CNIH3: variants seen among roughly 807,000 people sequenced by gnomAD.
The protein encoded by CNIH3 is protein cornichon homolog 3.
In CNIH3, 14 loss-of-function variants were observed where a neutral mutation model predicts 24.1. The observed-to-expected ratio is 0.58, with a 90% CI of 0.38 to 0.91. CNIH3 has a LOEUF of 0.91. Ranked by LOEUF, CNIH3 falls within the 40% of genes least tolerant of loss-of-function variation. The pLI is 0.00. For synonymous variants in CNIH3, 68 were observed against 73.8 expected (o/e 0.92, Z 0.40); for missense variants, 178 against 196.8 (o/e 0.90, Z 0.57).
intron 3 of CNIH3, among the ~76,000 whole-genome samples, chr1:224,559,707 G>A (rs1017833103): frequency 6.6e-6 from 1 of 152,148 alleles, no homozygotes; most frequent in Non-Finnish European, 1.5e-5. Flanking sequence ...AAAAAACATT[G>A]AGAAATATAA....
At chr1:224,520,060 C>G (rs1010341498) in intron 1 of CNIH3, among the ~76,000 whole-genome samples, 5 of 152,106 alleles carry the variant, frequency 3.3e-5, no homozygotes, top group Non-Finnish European at 7.3e-5. Context: ...ACCTTTCTCC[C>G]AGGGTGACTC....
chr1:224,711,425 A>G (rs1688140572), intron 3 of CNIH3, among the ~76,000 whole-genome samples: 1 of 150,950 alleles, frequency 6.6e-6, no homozygotes, highest in Admixed American at 6.6e-5. Flanking sequence ...GGCTCAAGTG[A>G]TCCTCCCACT....
intron 3 of CNIH3, among the ~76,000 whole-genome samples, chr1:224,600,553 C>A (rs1045035771): frequency 3.3e-5 from 5 of 152,130 alleles, no homozygotes; most frequent in African/African-American, 1.2e-4. Flanking sequence ...GAGTGCAGTG[C>A]AGTGGCTATT....
At chr1:224,613,227 C>T (rs1002130), upstream of CNIH3, among the ~76,000 whole-genome samples, 97,543 of 150,010 alleles carry the variant, frequency 0.65, 32,213 homozygotes, top group East Asian at 0.94. Context: ...TCGCGAACTC[C>T]TGACCTCAAG....
intron 4 of CNIH3, among the ~76,000 whole-genome samples, chr1:224,578,093 C>G (rs12134248): frequency 0.14 from 20,504 of 151,722 alleles, 1,515 homozygotes; most frequent in East Asian, 0.26. Context: ...AAGGGTGGAC[C>G]AAAATCTCAG....
chr1:224,613,112 C>T (rs543342102), upstream of CNIH3, among the ~76,000 whole-genome samples: 5 of 152,330 alleles, frequency 3.3e-5, no homozygotes, highest in Admixed American at 6.5e-5. Context: ...ATCCTCTGGC[C>T]TCAGCCTCCT....
Position 224,517,959 on chromosome 1 carries a change from C to G in CNIH3, n.15+2083C>G, listed in dbSNP as rs148307701. ...GAGGGTAAGGAATGCAGAATAGACCCTTTCATCATAAAGCTTGATAAACCG... is the reference window on the plus strand; with the variant it reads ...GAGGGTAAGGAATGCAGAATAGACCGTTTCATCATAAAGCTTGATAAACCG... On this transcript the variant is annotated intron_variant and non_coding_transcript_variant, in intron 1 of 2. Coordinates refer to the CNIH3 transcript ENST00000470602. 2.3e-4 allele frequency among the ~76,000 whole-genome samples: 35 copies of G among 152,242 alleles called. No homozygotes were observed. In the East Asian group the frequency reaches 6.2e-3, roughly 27 times the overall value.
At chr1:224,711,794 C>CAAAAAA (rs11437581) in intron 3 of CNIH3, among the ~76,000 whole-genome samples, 21 of 65,658 alleles carry the variant, frequency 3.2e-4, no homozygotes, top group African/African-American at 4.3e-4. Flanking sequence ...GACCCTGTCT[C>CAAAAAA]AAAAAAAAAA....
chr1:224,536,425 G>T (rs896210300), intron 2 of CNIH3, among the ~76,000 whole-genome samples: 4 of 151,552 alleles, frequency 2.6e-5, no homozygotes, highest in Non-Finnish European at 5.9e-5. Context: ...CTGAGTAGCT[G>T]GGATTACAGG....
intron 4 of CNIH3, among the ~76,000 whole-genome samples, chr1:224,581,484 A>G (rs1246858201): frequency 1.3e-5 from 2 of 151,962 alleles, no homozygotes; most frequent in African/African-American, 4.8e-5. Flanking sequence ...GATTGTGTGT[A>G]TTGACTAATT....
At chr1:224,689,051 C>A (rs1037857534) in intron 3 of CNIH3, among the ~76,000 whole-genome samples, 19 of 151,980 alleles carry the variant, frequency 1.3e-4, no homozygotes, top group African/African-American at 4.1e-4. Context: ...ATGCTTATAC[C>A]CTCTGCCCCC....
chr1:224,623,447 C>T (rs867572427), intron 1 of CNIH3, among the ~76,000 whole-genome samples: 11 of 152,114 alleles, frequency 7.2e-5, no homozygotes, highest in South Asian at 2.1e-4. Flanking sequence ...GGCGGATGCA[C>T]GGTTTGACCT....
intron 2 of CNIH3, among the ~76,000 whole-genome samples, chr1:224,526,343 C>A (rs191925106): frequency 1.4e-3 from 220 of 152,226 alleles, no homozygotes; most frequent in Admixed American, 4.4e-3. Flanking sequence ...AACTAATGAA[C>A]CATGAATGGG....
At chr1:224,665,168 A>G (rs962966150) in intron 1 of CNIH3, among the ~76,000 whole-genome samples, 2 of 152,114 alleles carry the variant, frequency 1.3e-5, no homozygotes, top group Non-Finnish European at 2.9e-5. Flanking sequence ...GAGGTTCTGA[A>G]TCCTGGGACC....
upstream of CNIH3, among the ~76,000 whole-genome samples, chr1:224,613,412 C>T (rs963684509): frequency 6.6e-6 from 1 of 152,236 alleles, no homozygotes; most frequent in Non-Finnish European, 1.5e-5. Flanking sequence ...TCAACTTCTA[C>T]AGCTGTCCAG....
At chr1:224,545,848 C>T (rs145003059) in intron 2 of CNIH3, among the ~76,000 whole-genome samples, 32 of 152,282 alleles carry the variant, frequency 2.1e-4, no homozygotes, top group Middle Eastern at 3.4e-3. Context: ...CACAATACCA[C>T]GGACTGGGTG....
At chr1:224,729,060 C>T (rs1016826578) in intron 3 of CNIH3, among the ~76,000 whole-genome samples, 14 of 151,900 alleles carry the variant, frequency 9.2e-5, no homozygotes, top group Non-Finnish European at 2.1e-4. Context: ...CTGTGGGGCC[C>T]AGAGGTACAG....
chr1:224,732,549 A>T (rs1443616778), intron 4 of CNIH3, among the ~76,000 whole-genome samples: 2 of 152,152 alleles, frequency 1.3e-5, no homozygotes, highest in Admixed American at 1.3e-4. Flanking sequence ...TGTGTTGCTC[A>T]GCTCGGACGT....
chr1:224,449,639 C>T (rs982776917), intron 1 of CNIH3, among the ~76,000 whole-genome samples: 3 of 152,056 alleles, frequency 2.0e-5, no homozygotes, highest in African/African-American at 4.8e-5. Context: ...ACTACAGGCA[C>T]ACACCACCAC....
Sources: allele counts gnomAD v4.1 joint callset (sites outside exome capture counted in the v4.1 genomes callset), GRCh38; gene constraint gnomAD v4.1.1; transcripts MANE v1.5; gene names NCBI Gene and HGNC (gene_info 2026-07-23, HGNC 2026-07-21).